The following ADK variants were observed in gnomAD, a reference collection of about 807,000 sequenced individuals.
ADK encodes adenosine kinase, also known as N6,N6-dimethyladenosine kinase.
ADK carries 24 observed loss-of-function variants against 44.7 expected under a neutral mutation model. The ratio of observed to expected loss-of-function variants is 0.54; its 90% CI spans 0.39 to 0.76. The LOEUF (loss-of-function observed/expected upper bound fraction) is 0.76, where lower values mean the gene tolerates loss of function less well. Ranked by LOEUF, ADK falls within the 30% of genes least tolerant of loss-of-function variation. The pLI is 0.00. For synonymous variants in ADK, 128 were observed against 142.6 expected, an observed-to-expected ratio of 0.90 and a Z score of 0.73; for missense variants, 321 against 425.1, an observed-to-expected ratio of 0.76 and a Z score of 2.15.
chr10:74,480,062 T>A (rs1309880283), intron 6 of ADK, among the ~76,000 whole-genome samples: 1 of 152,102 alleles, frequency 6.6e-6, no homozygotes, highest in African/African-American at 2.4e-5. Flanking sequence ...GTATCCTCTG[T>A]GTTCTTTTTT....
intron 4 of ADK, among the ~76,000 whole-genome samples, chr10:74,327,757 G>A (rs1231744069): frequency 6.6e-6 from 1 of 151,860 alleles, no homozygotes; most frequent in African/African-American, 2.4e-5. Context: ...AAAAAAAAAA[G>A]TTGTCTACTA....
chr10:74,312,822 G>A (rs1840483925), intron 3 of ADK, among the ~76,000 whole-genome samples: 1 of 138,926 alleles, frequency 7.2e-6, no homozygotes, highest in Non-Finnish European at 1.5e-5. Flanking sequence ...ACTGAGGCGG[G>A]AGGATCCCTT....
chr10:74,347,024 G>C (rs2131891573), intron 4 of ADK, among the ~76,000 whole-genome samples: 1 of 146,224 alleles, frequency 6.8e-6, no homozygotes, highest in Middle Eastern at 3.5e-3. Flanking sequence ...GGAGAATGGT[G>C]TGAACCCGGG....
intron 3 of ADK, among the ~76,000 whole-genome samples, chr10:74,251,275 T>A (rs1845640902): frequency 6.6e-6 from 1 of 152,200 alleles, no homozygotes; most frequent in Non-Finnish European, 1.5e-5. Context: ...GAGATGCCTA[T>A]TCAAGAGAAA....
chr10:74,268,476 C>T (rs938525014), intron 3 of ADK, among the ~76,000 whole-genome samples: 4 of 151,944 alleles, frequency 2.6e-5, no homozygotes, highest in Non-Finnish European at 5.9e-5. Flanking sequence ...TCCATTTCCT[C>T]ACTGGCAAAA....
At chr10:74,231,961 G>GTT (rs200584141) in intron 3 of ADK, among the ~76,000 whole-genome samples, 1 of 146,504 alleles carries the variant, frequency 6.8e-6, no homozygotes, top group African/African-American at 2.6e-5. Context: ...TTTTTTGTTT[G>GTT]TCTTTTTTTT....
intron 6 of ADK, among the ~76,000 whole-genome samples, chr10:74,463,762 C>T (rs898821066): frequency 2.0e-5 from 3 of 152,178 alleles, no homozygotes; most frequent in East Asian, 1.9e-4. Flanking sequence ...TGTGCAGATT[C>T]GTCGTCTTTA....
At chr10:74,259,334 A>G (rs1845952731) in intron 3 of ADK, among the ~76,000 whole-genome samples, 1 of 151,708 alleles carries the variant, frequency 6.6e-6, no homozygotes, top group African/African-American at 2.4e-5. Flanking sequence ...AGATGATTAG[A>G]TATAATTAAC....
At chr10:74,459,985 CT>C (rs746028325) in intron 6 of ADK, among the ~76,000 whole-genome samples, 3 of 152,100 alleles carry the variant, frequency 2.0e-5, no homozygotes, top group Non-Finnish European at 4.4e-5. Flanking sequence ...GTATTTCTCC[CT>C]ATAATTATAC....
rs1564640971 is a variant in ADK at position 74,300,316 on chromosome 10, TTCC to T, written c.195-14349_195-14347del. Reference sequence around the variant, plus strand: ...CTTCCTTCCTTCCTTCCTTCTTTCCTTCCTTCCTTCCTTCCTTCCTTCCTTCCT... The same window carrying T: ...CTTCCTTCCTTCCTTCCTTCTTTCCTTTCCTTCCTTCCTTCCTTCCTTCCT... On this transcript the variant is annotated intron_variant, in intron 3 of 10. Coordinates refer to ENST00000539909, the MANE Select transcript of ADK (RefSeq NM_006721.4). Among the ~76,000 whole-genome samples the T allele has an allele frequency of 9.0e-4, 101 of 112,270 alleles. 1 individual carries two copies. Among genetic ancestry groups the T allele is most frequent in the African/African-American group, 3.2e-3 (95 of 29,782 alleles). 73.7% of individuals were successfully genotyped at this position (112,270 alleles called of 152,430 possible). A position where few individuals can be genotyped will look rare whatever the true frequency, so the allele number is the denominator to read the frequency against.
At chr10:74,610,855 T>C (rs1006643063) in intron 9 of ADK, among the ~76,000 whole-genome samples, 1 of 151,992 alleles carries the variant, frequency 6.6e-6, no homozygotes, top group African/African-American at 2.4e-5. Flanking sequence ...AAAAAGTAAA[T>C]ATATATATGT....
intron 4 of ADK, among the ~76,000 whole-genome samples, chr10:74,390,447 T>C (rs182735561): frequency 6.6e-6 from 1 of 152,274 alleles, no homozygotes; most frequent in East Asian, 1.9e-4. Context: ...AATAGTAAAA[T>C]GAACTTTTCT....
chr10:74,153,639 CA>C (rs1426143774), intron 1 of ADK, among the ~76,000 whole-genome samples: 1 of 152,194 alleles, frequency 6.6e-6, no homozygotes, highest in Admixed American at 6.5e-5. Flanking sequence ...TTAACCCTCC[CA>C]GTGACCTATG....
At chr10:74,639,351 C>A (rs750671273) in intron 9 of ADK, among the ~76,000 whole-genome samples, 6 of 152,076 alleles carry the variant, frequency 3.9e-5, no homozygotes, top group Admixed American at 1.3e-4. Flanking sequence ...AATCAAAAGT[C>A]TGGGAGCATC....
chr10:74,471,606 G>C (rs1846594606), intron 6 of ADK, among the ~76,000 whole-genome samples: 1 of 152,102 alleles, frequency 6.6e-6, no homozygotes, highest in South Asian at 2.1e-4. Flanking sequence ...CAGTAGTATG[G>C]ATATTTTAAC....
intron 7 of ADK, among the ~76,000 whole-genome samples, chr10:74,555,597 C>A (rs1589244411): frequency 7.0e-6 from 1 of 143,530 alleles, no homozygotes; most frequent in African/African-American, 2.6e-5. Flanking sequence ...GGATACAGAG[C>A]AAGACCTTGT....
chr10:74,281,270 G>A (rs1012179215), intron 3 of ADK, among the ~76,000 whole-genome samples: 2 of 152,238 alleles, frequency 1.3e-5, no homozygotes, highest in Non-Finnish European at 2.9e-5. Flanking sequence ...GGGAAGTTGA[G>A]TTCTTCTTAT....
chr10:74,560,097 T>A (rs1229065926), intron 7 of ADK, among the ~76,000 whole-genome samples: 5 of 152,062 alleles, frequency 3.3e-5, no homozygotes, highest in Non-Finnish European at 4.4e-5. Context: ...TTTTAAAAAA[T>A]TTTTTTGTAG....
chr10:74,562,502 G>A (rs535388291), intron 7 of ADK, among the ~76,000 whole-genome samples: 1 of 152,254 alleles, frequency 6.6e-6, no homozygotes, highest in East Asian at 1.9e-4. Context: ...TTTCCTTCAA[G>A]GATAGTCTTA....
Sources: gnomAD v4.1 joint callset for allele counts (sites outside exome capture counted in the v4.1 genomes callset) on GRCh38, gnomAD v4.1.1 for gene constraint, MANE v1.5 for transcripts, NCBI Gene and HGNC (gene_info 2026-07-23, HGNC 2026-07-21) for gene names.